Variants in ALG9 observed in about 807,000 individuals in gnomAD.
ALG9 encodes alpha-1,2-mannosyltransferase ALG9.
In ALG9, 55 loss-of-function variants were observed where a neutral mutation model predicts 81.8. The observed-to-expected ratio is 0.67, with a 90% confidence interval of 0.54 to 0.84. The LOEUF is 0.84. Among genes scored for constraint, ALG9 ranks in the 40% least tolerant of loss-of-function variants. The pLI is 0.00. For missense variants in ALG9, 629 were observed against 745.0 expected, an observed-to-expected ratio of 0.84 and a Z score of 1.81; for synonymous variants, 278 against 274.3, an observed-to-expected ratio of 1.01 and a Z score of -0.13.
At chr11:111,855,980 T>C (rs1486331306) in intron 6 of ALG9, among the ~76,000 whole-genome samples, 1 of 152,102 alleles carries the variant, frequency 6.6e-6, no homozygotes, top group Admixed American at 6.6e-5. Context: ...AAGATATCTG[T>C]ATAATAATGT....
At chr11:111,869,461 A>C (rs1324605764) in intron 2 of ALG9, among the ~76,000 whole-genome samples, 3 of 152,240 alleles carry the variant, frequency 2.0e-5, no homozygotes, top group Non-Finnish European at 4.4e-5. Flanking sequence ...TAACTTAAAA[A>C]GTGAAAAAAA....
At chr11:111,774,069 T>TAAAAAAAAAAAAAAAA in the ALG9 span, among the ~76,000 whole-genome samples, 29 of 69,732 alleles carry the variant, frequency 4.2e-4, no homozygotes, top group Non-Finnish European at 6.1e-4. Flanking sequence ...CATATCTTAT[T>TAAAAAAAAAAAAAAAA]AAAAAAAAAA....
the ALG9 span, among the ~76,000 whole-genome samples, chr11:111,772,796 A>G: frequency 1.3e-5 from 2 of 152,244 alleles, no homozygotes; most frequent in African/African-American, 2.4e-5. Flanking sequence ...AAAGAATGAA[A>G]GAGGTACATG....
At chr11:111,835,238 A>G (rs1454157992) in intron 13 of ALG9, among the ~76,000 whole-genome samples, 2 of 152,242 alleles carry the variant, frequency 1.3e-5, no homozygotes, top group Admixed American at 6.5e-5. Flanking sequence ...GTGCTTTCTA[A>G]TAATTCTAGA....
intron 14 of ALG9, among the ~76,000 whole-genome samples, chr11:111,794,674 A>C (rs982223038): frequency 6.6e-6 from 1 of 151,716 alleles, no homozygotes; most frequent in Non-Finnish European, 1.5e-5. Context: ...CTATCTATCC[A>C]TCCATCCATC....
chr11:111,829,142 C>T (rs1390477152), intron 13 of ALG9: 1 of 152,122 alleles, frequency 6.6e-6, no homozygotes, highest in East Asian at 1.9e-4. Flanking sequence ...ACATCATCTA[C>T]AATTCAAAAA....
chr11:111,843,527 C>T (rs1205288105), intron 9 of ALG9, among the ~76,000 whole-genome samples: 1 of 152,086 alleles, frequency 6.6e-6, no homozygotes, highest in East Asian at 1.9e-4. Flanking sequence ...TATAATACAA[C>T]GAACTCATTA....
At chr11:111,866,646 T>C (rs1168937738) in intron 3 of ALG9, among the ~76,000 whole-genome samples, 1 of 151,762 alleles carries the variant, frequency 6.6e-6, no homozygotes, top group Non-Finnish European at 1.5e-5. Context: ...GTAACAGGAT[T>C]AGAGAAGAGG....
chr11:111,851,266 G>A (rs894256608), intron 8 of ALG9, among the ~76,000 whole-genome samples: 2 of 152,104 alleles, frequency 1.3e-5, no homozygotes, highest in African/African-American at 4.8e-5. Context: ...ATTACCTGAG[G>A]TCAGGAGTTG....
chr11:111,781,107 G>A (rs999666791), downstream of ALG9, among the ~76,000 whole-genome samples: 3 of 152,154 alleles, frequency 2.0e-5, no homozygotes, highest in Non-Finnish European at 4.4e-5. Context: ...TAAAGTTGTG[G>A]ACTTCTCCTT....
chr11:111,820,111 T>C (rs1555101832), intron 13 of ALG9, among the ~76,000 whole-genome samples: 1 of 152,208 alleles, frequency 6.6e-6, no homozygotes, highest in African/African-American at 2.4e-5. Flanking sequence ...AAGGGCCTTC[T>C]CACTGTGCCA....
chr11:111,802,145 G>C (rs572771204), intron 14 of ALG9, among the ~76,000 whole-genome samples: 167 of 152,222 alleles, frequency 1.1e-3, no homozygotes, highest in African/African-American at 3.8e-3. Context: ...TTAAGGTCAC[G>C]GTTACTCATT....
intron 14 of ALG9, among the ~76,000 whole-genome samples, chr11:111,808,769 T>C (rs1950278177): frequency 6.6e-6 from 1 of 152,170 alleles, no homozygotes; most frequent in African/African-American, 2.4e-5. Context: ...CTGGATCTCC[T>C]TAACTCCAAC....
chr11:111,842,678 G>A lies in ALG9; in HGVS notation c.1019-1869C>T, dbSNP rs148352593. 4.2e-4 allele frequency among the ~76,000 whole-genome samples: 63 copies of A among 149,054 alleles called. 1 individual carries two copies. The highest frequency in any genetic ancestry group is 1.6e-3 in the African/African-American group (63 of 40,520). On this transcript the variant is annotated intron_variant, in intron 9 of 14. Transcript: ENST00000616540. The stretch of plus-strand genomic sequence containing the variant: ...GGTTCAAGCAATCCTCCCACCTCGT[G>A]CTCCCAAAATACTGGGATTATAGGC...
chr11:111,849,302 C>G (rs1219798855), intron 8 of ALG9, among the ~76,000 whole-genome samples: 1 of 152,102 alleles, frequency 6.6e-6, no homozygotes, highest in African/African-American at 2.4e-5. Flanking sequence ...CCACTCACCT[C>G]GGCCTCCCAA....
intron 3 of ALG9, among the ~76,000 whole-genome samples, chr11:111,866,408 G>T (rs1290145173): frequency 2.0e-5 from 3 of 152,018 alleles, no homozygotes; most frequent in Admixed American, 6.6e-5. Flanking sequence ...CTTTCATTTG[G>T]GGTAGCAAGA....
intron 13 of ALG9, among the ~76,000 whole-genome samples, chr11:111,813,682 A>G (rs1951068188): frequency 6.6e-6 from 1 of 152,242 alleles, no homozygotes; most frequent in South Asian, 2.1e-4. Flanking sequence ...CACCCAAAAG[A>G]AAAACGGGCA....
Position 111,870,382 on chromosome 11 carries a change from C to CCA in ALG9, c.132-13_132-12insTG, listed in dbSNP as rs1555157382. On this transcript the variant is annotated splice_polypyrimidine_tract_variant and intron_variant, in intron 1 of 14. Transcript: ENST00000616540. ...TGTTCCCAGATAACCTGTTCAAAAG[C>CCA]AAAAAAAAAAAAAAAAAAAAAAGCA... 0.022 allele frequency: 20,834 copies of CCA among 959,954 alleles called. 153 individuals carry two copies. The highest frequency in any genetic ancestry group is 0.031 in the Admixed American group (337 of 10,816). 59.5% of individuals were successfully genotyped at this position (959,954 alleles called of 1,614,324 possible).
intron 14 of ALG9, among the ~76,000 whole-genome samples, chr11:111,794,333 G>C (rs1398642413): frequency 1.3e-5 from 2 of 152,126 alleles, no homozygotes; most frequent in African/African-American, 4.8e-5. Flanking sequence ...GCCCAGGCTG[G>C]AGTGCAGTGG....
Sources: allele counts gnomAD v4.1 joint callset (sites outside exome capture counted in the v4.1 genomes callset), GRCh38; gene constraint gnomAD v4.1.1; transcripts MANE v1.5; gene names NCBI Gene and HGNC (gene_info 2026-07-23, HGNC 2026-07-21).